Variants in TBC1D32 observed in about 807,000 individuals in gnomAD.
TBC1D32 encodes the protein protein broad-minded.
In TBC1D32, 151 loss-of-function variants were observed where a neutral mutation model predicts 170.3. That is an observed-to-expected ratio of 0.89 (90% CI 0.78 to 1.01). The LOEUF (loss-of-function observed/expected upper bound fraction) is 1.01. Among genes scored for constraint, TBC1D32 ranks in the 50% least tolerant of loss-of-function variants. The pLI is 0.00. For synonymous variants in TBC1D32, 498 were observed against 488.0 expected (o/e 1.02, Z -0.27); for missense variants, 1,464 against 1,457.1 (o/e 1.00, Z -0.08).
At position 121,303,712 on chromosome 6, in the gene TBC1D32, G is replaced by T; in HGVS notation, c.985C>A (p.His329Asn). 6.3e-7 allele frequency: 1 copy of T among 1,591,552 alleles called. No individual in the cohort carries two copies. ...TGTGAGACAACATGGCTTTGATTATGTTTAACTGTTAACAAGGACAAAGTA... is the reference window on the plus strand; with the variant it reads ...TGTGAGACAACATGGCTTTGATTATTTTTAACTGTTAACAAGGACAAAGTA... The part of the protein sequence containing the change: ...ESTLSLLTVK[H>N]NQSHVVSQKI... Residue 329 changes from histidine to asparagine, a missense_variant, in exon 9 of 32, where the codon CAT becomes AAT. Physicochemically the swap from His to Asn is moderately conservative, Grantham distance 68. This residue lies in a region of TBC1D32 where 1,363 missense variants were observed against 1,338.1 expected (regional missense o/e 1.02). Coordinates refer to ENST00000398212, the MANE Select transcript of TBC1D32 (RefSeq NM_152730.6).
intron 22 of TBC1D32, chr6:121,170,356 C>T (rs2128252730): frequency 1.3e-6 from 2 of 1,503,082 alleles, no homozygotes; most frequent in East Asian, 4.8e-5. Context: ...CTTAACAAAA[C>T]ATCTCTAAAG....
chr6:121,118,158 A>G (rs1189613788), intron 26 of TBC1D32, among the ~76,000 whole-genome samples: 1 of 152,208 alleles, frequency 6.6e-6, no homozygotes, highest in Non-Finnish European at 1.5e-5. Flanking sequence ...TATACTTTAA[A>G]TATCAAACTA....
intron 26 of TBC1D32, among the ~76,000 whole-genome samples, chr6:121,122,277 T>G (rs536791302): frequency 6.6e-6 from 1 of 152,180 alleles, no homozygotes; most frequent in African/African-American, 2.4e-5. Context: ...TCTTAACTCA[T>G]TTCCCTGCTT....
At chr6:121,200,472 A>G (rs772141009) in intron 22 of TBC1D32, among the ~76,000 whole-genome samples, 2 of 151,562 alleles carry the variant, frequency 1.3e-5, no homozygotes, top group African/African-American at 2.4e-5. Flanking sequence ...CCTACTAAAA[A>G]TGGTTAAGAA....
At chr6:121,213,124 C>A (rs1362778684) in intron 21 of TBC1D32, among the ~76,000 whole-genome samples, 1 of 152,120 alleles carries the variant, frequency 6.6e-6, no homozygotes, top group Non-Finnish European at 1.5e-5. Flanking sequence ...GAAACATTTT[C>A]CTTGAAAACT....
At chr6:121,287,948 A>C (rs1804148488) in intron 12 of TBC1D32, among the ~76,000 whole-genome samples, 1 of 152,200 alleles carries the variant, frequency 6.6e-6, no homozygotes, top group African/African-American at 2.4e-5. Flanking sequence ...TGTTCTTTGA[A>C]ACCAATGAGA....
intron 20 of TBC1D32, among the ~76,000 whole-genome samples, chr6:121,233,498 G>A (rs1425160155): frequency 6.6e-6 from 1 of 151,958 alleles, no homozygotes; most frequent in African/African-American, 2.4e-5. Context: ...TTGCTTTAAA[G>A]TTTGCTTTGT....
At chr6:121,086,243 C>G (rs1401601265) in intron 31 of TBC1D32, among the ~76,000 whole-genome samples, 1 of 151,938 alleles carries the variant, frequency 6.6e-6, no homozygotes, top group East Asian at 1.9e-4. Flanking sequence ...GATGAAGAAA[C>G]AAGCATAAAA....
At chr6:121,289,473 T>C (rs1804465547) in intron 12 of TBC1D32, among the ~76,000 whole-genome samples, 1 of 152,174 alleles carries the variant, frequency 6.6e-6, no homozygotes, top group African/African-American at 2.4e-5. Context: ...CAAGGAGAAC[T>C]ACAAACCACT....
At position 121,292,109 on chromosome 6, in the gene TBC1D32, A is replaced by C; in HGVS notation, c.1316T>G (p.Leu439Ter). The change falls in exon 12 of 32, where the codon TTA (leucine) becomes TGA (stop). Residue 439 changes from leucine (L) to a stop codon, truncating the protein, a stop_gained. Transcript: ENST00000398212. LOFTEE classifies it high-confidence loss of function. The part of the protein sequence containing the change: ...FIHSLCLLGR[L>*]LIYKQGRKLF... ...TTTTCTGCCTTGTTTATAGATCAAT[A>C]ATCTTCCTAAAAGGCACAGTGAGTG... 1.2e-6 allele frequency: 2 copies of C among 1,602,774 alleles called. No individual in the cohort carries two copies. Among genetic ancestry groups the C allele is most frequent in the South Asian group, 2.3e-5 (2 of 88,186 alleles).
rs1219046881 is a variant in TBC1D32, at chr6:121,201,642, C to CT, written c.2570+3432dup. ...TTCCTTCAGTCTCACACTGGGGCTT[C>CT]TTTTTTTTTGTTTTCCTATAAAATT... On this transcript the variant is annotated intron_variant, in intron 22 of 31. Transcript: ENST00000398212. Among the ~76,000 whole-genome samples, 155 of 150,346 alleles carry CT rather than the reference C, an allele frequency of 1.0e-3. 3 individuals are homozygous for CT. Among genetic ancestry groups the CT allele is most frequent in the Admixed American group, 8.9e-3 (134 of 15,108 alleles).
chr6:121,143,724 G>A (rs1487878150), intron 24 of TBC1D32, among the ~76,000 whole-genome samples: 4 of 152,098 alleles, frequency 2.6e-5, no homozygotes, highest in Admixed American at 2.6e-4. Flanking sequence ...GCTACCTTAA[G>A]CATAGTATTT....
intron 30 of TBC1D32, among the ~76,000 whole-genome samples, chr6:121,103,639 C>T (rs981814369): frequency 2.0e-5 from 3 of 150,894 alleles, no homozygotes; most frequent in Non-Finnish European, 3.0e-5. Flanking sequence ...ATGTAAATGA[C>T]GAGTTAATGG....
At chr6:121,124,965 C>T (rs1023306570) in intron 26 of TBC1D32, among the ~76,000 whole-genome samples, 2 of 152,062 alleles carry the variant, frequency 1.3e-5, no homozygotes, top group African/African-American at 2.4e-5. Flanking sequence ...TGTTGAACTT[C>T]CTTAAAACAA....
intron 17 of TBC1D32, among the ~76,000 whole-genome samples, chr6:121,247,695 CAAAAAAAAAAAA>C (rs34914027): frequency 2.1e-5 from 1 of 46,570 alleles, no homozygotes; most frequent in Non-Finnish European, 3.5e-5. Context: ...GGCTTTAAAG[CAAAAAAAAAAAA>C]AAAAAAAAAA....
intron 20 of TBC1D32, chr6:121,224,373 A>G (rs1158633986): frequency 6.6e-6 from 1 of 152,116 alleles, no homozygotes; most frequent in Non-Finnish European, 1.5e-5. Flanking sequence ...TTGCAACTGT[A>G]AAGTTTACTG....
intron 4 of TBC1D32, among the ~76,000 whole-genome samples, chr6:121,310,486 T>C (rs1015314620): frequency 2.7e-5 from 4 of 148,752 alleles, no homozygotes; most frequent in African/African-American, 1.0e-4. Flanking sequence ...ACATATAAAA[T>C]AACAGTGAAA....
chr6:121,313,346 C>T (rs1285161255), intron 3 of TBC1D32, among the ~76,000 whole-genome samples: 2 of 147,142 alleles, frequency 1.4e-5, no homozygotes, highest in East Asian at 4.0e-4. Flanking sequence ...TGCAGTGGTG[C>T]AATCTTGGCT....
chr6:121,315,856 C>G (rs907323467), intron 3 of TBC1D32, among the ~76,000 whole-genome samples: 3 of 152,064 alleles, frequency 2.0e-5, no homozygotes, highest in Non-Finnish European at 4.4e-5. Flanking sequence ...CATACTGAAA[C>G]AGCTTTCAGG....
Sources: gnomAD v4.1 joint callset for allele counts (sites outside exome capture counted in the v4.1 genomes callset) on GRCh38, gnomAD v4.1.1 for gene constraint, gnomAD v4.1.1 regional missense constraint, MANE v1.5 for transcripts, NCBI Gene and HGNC (gene_info 2026-07-23, HGNC 2026-07-21) for gene names.